TXNRD1: variants seen among roughly 807,000 people sequenced by gnomAD.
The protein encoded by TXNRD1 is thioredoxin reductase 1.
A neutral mutation model predicts 80.3 loss-of-function variants in TXNRD1; 57 were observed. The observed-to-expected ratio is 0.71, with a 90% CI of 0.57 to 0.89. The LOEUF (loss-of-function observed/expected upper bound fraction) is 0.89, where lower values mean the gene tolerates loss of function less well. TXNRD1 is among the 40% of genes least tolerant of loss of function. The pLI, the probability that TXNRD1 is intolerant of heterozygous loss-of-function variation, is 0.00. For synonymous variants in TXNRD1, 291 were observed against 285.2 expected (o/e 1.02, Z -0.20); for missense variants, 730 against 803.0 (o/e 0.91, Z 1.10).
intron 3 of TXNRD1, chr12:104,285,981 G>A (rs970985949): frequency 6.6e-6 from 1 of 152,206 alleles, no homozygotes; most frequent in Non-Finnish European, 1.5e-5. Flanking sequence ...TGTAGTGTGT[G>A]TGTGTGCCCA....
chr12:104,224,804 T>C, intron 1 of TXNRD1: 1 of 456,264 alleles, frequency 2.2e-6, no homozygotes, highest in Non-Finnish European at 4.4e-6. Context: ...CCCCACTGTT[T>C]GATCAACCCA....
At chr12:104,224,108 GT>G (rs1200284596) in intron 1 of TXNRD1, among the ~76,000 whole-genome samples, 3 of 152,064 alleles carry the variant, frequency 2.0e-5, no homozygotes, top group Non-Finnish European at 2.9e-5. Context: ...TGTGGCACAA[GT>G]TTTTTTTCCC....
chr12:104,280,037 T>C (rs1402016045), intron 3 of TXNRD1, among the ~76,000 whole-genome samples: 1 of 117,508 alleles, frequency 8.5e-6, no homozygotes, highest in Non-Finnish European at 1.6e-5. Flanking sequence ...CACTCCAGCC[T>C]GGGTGACAGA....
chr12:104,237,562 G>A (rs866979466), intron 1 of TXNRD1, among the ~76,000 whole-genome samples: 2 of 152,062 alleles, frequency 1.3e-5, no homozygotes, highest in Admixed American at 1.3e-4. Flanking sequence ...CATACTACCC[G>A]GCCCTGTTCC....
chr12:104,347,076 CAG>C (rs2036517916), intron 16 of TXNRD1, among the ~76,000 whole-genome samples: 1 of 152,124 alleles, frequency 6.6e-6, no homozygotes. Context: ...GCCTGGGTGA[CAG>C]AGTGAGACTG....
chr12:104,286,502 C>T (rs1366573711), intron 3 of TXNRD1, among the ~76,000 whole-genome samples: 1 of 152,112 alleles, frequency 6.6e-6, no homozygotes, highest in Non-Finnish European at 1.5e-5. Context: ...CTAATAACTT[C>T]CTTTAGGGAA....
chr12:104,243,295 A>G (rs1407505774), intron 1 of TXNRD1, among the ~76,000 whole-genome samples: 3 of 151,926 alleles, frequency 2.0e-5, no homozygotes, highest in African/African-American at 7.3e-5. Flanking sequence ...TTCCATAAAG[A>G]CTTCTGTTTT....
chr12:104,300,664 ATTTGT>A (rs996798115), intron 4 of TXNRD1, among the ~76,000 whole-genome samples: 4 of 152,036 alleles, frequency 2.6e-5, no homozygotes, highest in Non-Finnish European at 4.4e-5. Context: ...CTAAAGGCAG[ATTTGT>A]TTTGTTTTGT....
intron 16 of TXNRD1, among the ~76,000 whole-genome samples, chr12:104,344,179 G>C (rs1214103565): frequency 2.0e-5 from 3 of 152,202 alleles, no homozygotes; most frequent in African/African-American, 4.8e-5. Flanking sequence ...GTGTAGGAGA[G>C]TTCCTGGCAT....
intron 13 of TXNRD1, among the ~76,000 whole-genome samples, chr12:104,329,364 G>A (rs998584074): frequency 6.6e-6 from 1 of 151,660 alleles, no homozygotes; most frequent in African/African-American, 2.4e-5. Flanking sequence ...TAAAGTAAGG[G>A]GTACAGCTGG....
chr12:104,341,306 G>A (rs2036315821), intron 16 of TXNRD1, among the ~76,000 whole-genome samples: 1 of 152,140 alleles, frequency 6.6e-6, no homozygotes, highest in African/African-American at 2.4e-5. Context: ...CCAAGCTGTT[G>A]GCTGATTAAG....
At position 104,307,177 on chromosome 12, in the gene TXNRD1, A is replaced by G. The variant is rs1461916087; in HGVS notation, c.415-4113A>G. Among the ~76,000 whole-genome samples, 3 of 152,210 alleles carry G rather than the reference A, an allele frequency of 2.0e-5. No homozygotes were observed. In the East Asian group the frequency reaches 5.8e-4, roughly 29 times the overall value. On this transcript the variant is annotated intron_variant, in intron 4 of 16. Transcript: ENST00000525566. ...AAATTAAACTGACTGCTTACCTTGA[A>G]GAAAAAAGGAGATTAAAAATTTATA...
At chr12:104,224,073 A>T (rs1191795668) in intron 1 of TXNRD1, among the ~76,000 whole-genome samples, 2 of 152,284 alleles carry the variant, frequency 1.3e-5, no homozygotes, top group South Asian at 4.1e-4. Flanking sequence ...AGGACGTGTG[A>T]CAAGTTTAGG....
chr12:104,325,317 A>C lies in TXNRD1; in HGVS notation c.1216-20A>C. The stretch of plus-strand genomic sequence containing the variant: ...TGATAAATGTCTTTATTTCACAGTA[A>C]AACTTTATCACTCTTACAGGTTGAA... On this transcript the variant is annotated intron_variant, in intron 10 of 16. Coordinates refer to ENST00000525566, the MANE Select transcript of TXNRD1 (RefSeq NM_001093771.3). The C allele has an allele frequency of 6.3e-7, 1 of 1,589,444 alleles. No individual in the cohort carries two copies. Among genetic ancestry groups the C allele is most frequent in the Non-Finnish European group, 8.6e-7 (1 of 1,160,134 alleles).
intron 1 of TXNRD1, among the ~76,000 whole-genome samples, chr12:104,223,262 A>T (rs761725014): frequency 2.0e-5 from 3 of 152,204 alleles, no homozygotes; most frequent in Admixed American, 6.5e-5. Flanking sequence ...AAAATGTTTA[A>T]AACAACTGTG....
intron 16 of TXNRD1, 21 bp from the exon 17 acceptor site, chr12:104,348,332 G>A (rs778907572): frequency 4.3e-6 from 7 of 1,613,578 alleles, no homozygotes; most frequent in Non-Finnish European, 1.7e-6. Flanking sequence ...TGAAGATGTT[G>A]TGCTTTCTCT....
chr12:104,311,228 A>G, intron 4 of TXNRD1, 62 bp from the exon 5 acceptor site: 4 of 1,485,846 alleles, frequency 2.7e-6, no homozygotes, highest in Non-Finnish European at 3.6e-6. Context: ...TTTTCTTACA[A>G]AGCTTTTTGG....
chr12:104,230,514 T>C (rs2032596322), intron 1 of TXNRD1, among the ~76,000 whole-genome samples: 1 of 152,228 alleles, frequency 6.6e-6, no homozygotes, highest in South Asian at 2.1e-4. Context: ...CTAGCCATCC[T>C]AGTGGTGTGA....
chr12:104,252,662 T>TCTATATATATATA (rs756948232), intron 2 of TXNRD1, among the ~76,000 whole-genome samples: 5 of 45,820 alleles, frequency 1.1e-4, no homozygotes, highest in African/African-American at 4.3e-4. Context: ...TTATTATTTT[T>TCTATATATATATA]TATATATATA....
Sources: allele counts gnomAD v4.1 joint callset (sites outside exome capture counted in the v4.1 genomes callset), GRCh38; gene constraint gnomAD v4.1.1; transcripts MANE v1.5; gene names NCBI Gene and HGNC (gene_info 2026-07-23, HGNC 2026-07-21).